Variants in TPRG1 observed in about 807,000 individuals in gnomAD.
TPRG1 encodes the protein tumor protein p63-regulated gene 1 protein.
Under a neutral mutation model 29.3 loss-of-function variants are expected in TPRG1, and 29 were observed. The ratio of observed to expected loss-of-function variants is 0.99; its 90% confidence interval spans 0.74 to 1.35. TPRG1 has a LOEUF of 1.35. Ranked by LOEUF, TPRG1 falls within the 40% of genes most tolerant of loss-of-function variation. TPRG1 has a pLI of 0.00. For missense variants in TPRG1, 327 were observed against 335.0 expected, an observed-to-expected ratio of 0.98 and a Z score of 0.19; for synonymous variants, 130 against 116.8, an observed-to-expected ratio of 1.11 and a Z score of -0.73.
intron 3 of TPRG1, among the ~76,000 whole-genome samples, chr3:189,137,478 TCC>T (rs1723914803): frequency 6.6e-6 from 1 of 152,004 alleles, no homozygotes; most frequent in South Asian, 2.1e-4. Context: ...CAGCAGGGTG[TCC>T]TTAAGTTGTA....
chr3:189,031,934 T>C (rs1474896127), intron 4 of TPRG1, among the ~76,000 whole-genome samples: 2 of 152,006 alleles, frequency 1.3e-5, no homozygotes, highest in Non-Finnish European at 2.9e-5. Context: ...AAAGAGGGTA[T>C]ATTAGTTAGA....
At chr3:189,200,074 C>T (rs368176257) in intron 1 of TPRG1, among the ~76,000 whole-genome samples, 18 of 152,252 alleles carry the variant, frequency 1.2e-4, no homozygotes, top group African/African-American at 4.3e-4. Flanking sequence ...ATTTCTTGGC[C>T]TAGCCCTGTA....
chr3:189,058,795 G>C (rs1173428869), intron 4 of TPRG1, among the ~76,000 whole-genome samples: 1 of 152,162 alleles, frequency 6.6e-6, no homozygotes, highest in Non-Finnish European at 1.5e-5. Flanking sequence ...TGGGGCTGAA[G>C]GAGAGTTGAA....
At chr3:189,158,416 C>G (rs909023902) in intron 5 of TPRG1, among the ~76,000 whole-genome samples, 2 of 152,038 alleles carry the variant, frequency 1.3e-5, no homozygotes, top group African/African-American at 4.8e-5. Context: ...CAAGTCTAGC[C>G]TGGCCAATAT....
intron 1 of TPRG1, among the ~76,000 whole-genome samples, chr3:189,204,945 TCTCA>T (rs1000140510): frequency 3.8e-4 from 35 of 92,750 alleles, no homozygotes; most frequent in Admixed American, 1.5e-3. Flanking sequence ...TCTCTCTCTC[TCTCA>T]CACACACACA....
chr3:189,206,885 T>C (rs1265056083), intron 1 of TPRG1, among the ~76,000 whole-genome samples: 1 of 151,878 alleles, frequency 6.6e-6, no homozygotes. Flanking sequence ...CTAATTATTT[T>C]CTTAGAATAA....
chr3:189,065,874 G>A (rs2152147151), intron 4 of TPRG1, among the ~76,000 whole-genome samples: 1 of 152,118 alleles, frequency 6.6e-6, no homozygotes, highest in Admixed American at 6.5e-5. Context: ...ATAATTTTTT[G>A]AAGATGACAT....
chr3:189,057,846 G>A (rs928610645), intron 4 of TPRG1, among the ~76,000 whole-genome samples: 1 of 108,348 alleles, frequency 9.2e-6, no homozygotes, highest in Non-Finnish European at 1.7e-5. Context: ...ATGTATGTGT[G>A]TATATATATA....
At chr3:189,067,145 A>T (rs1248539237) in intron 4 of TPRG1, among the ~76,000 whole-genome samples, 1 of 152,204 alleles carries the variant, frequency 6.6e-6, no homozygotes, top group Non-Finnish European at 1.5e-5. Flanking sequence ...AATAAAAACT[A>T]TAAAACATTG....
Position 189,215,324 on chromosome 3 carries a change from G to T in TPRG1, c.243G>T (p.Leu81Phe). 2 of 1,612,312 alleles carry T rather than the reference G, an allele frequency of 1.2e-6. No individual in the cohort carries two copies. Reference sequence around the variant, plus strand: ...CCATTGAGACTGCCATGGAAGACTTGAAAGGTCACGTAGCTGAGACTTCTG... The same window carrying T: ...CCATTGAGACTGCCATGGAAGACTTTAAAGGTCACGTAGCTGAGACTTCTG... ...PGAIETAMED[L>F]KGHVAETSGE... The change falls in exon 3 of 6, where the codon TTG becomes TTT. Residue 81 changes from leucine (L) to phenylalanine (F), a missense_variant. By Grantham distance (22) the Leu-to-Phe change is conservative. Transcript: ENST00000345063.
intron 1 of TPRG1, among the ~76,000 whole-genome samples, chr3:189,106,450 GC>G (rs1172287286): frequency 6.6e-6 from 1 of 151,944 alleles, no homozygotes; most frequent in Non-Finnish European, 1.5e-5. Flanking sequence ...TTTGTAACCT[GC>G]CTTTAAATTT....
At chr3:189,040,614 C>T (rs1714570192) in intron 4 of TPRG1, among the ~76,000 whole-genome samples, 1 of 151,990 alleles carries the variant, frequency 6.6e-6, no homozygotes. Flanking sequence ...CTGTTCTTGC[C>T]CCCTGATACT....
intron 4 of TPRG1, among the ~76,000 whole-genome samples, chr3:189,242,433 A>G (rs1207027506): frequency 6.6e-6 from 1 of 152,116 alleles, no homozygotes; most frequent in Non-Finnish European, 1.5e-5. Context: ...TAAGATTTTC[A>G]AATATTAAGT....
At chr3:189,271,975 G>T (rs1181767452) in intron 4 of TPRG1, among the ~76,000 whole-genome samples, 2 of 152,196 alleles carry the variant, frequency 1.3e-5, no homozygotes, top group Non-Finnish European at 2.9e-5. Context: ...AAAGCCTAAT[G>T]TGGTGTTTGT....
intron 4 of TPRG1, among the ~76,000 whole-genome samples, chr3:189,073,597 T>G (rs1193414830): frequency 6.6e-6 from 1 of 152,190 alleles, no homozygotes; most frequent in Non-Finnish European, 1.5e-5. Context: ...TTTCTCATGC[T>G]CGTTGATTTA....
At chr3:189,180,589 A>C (rs1730076737) in intron 1 of TPRG1, among the ~76,000 whole-genome samples, 1 of 152,204 alleles carries the variant, frequency 6.6e-6, no homozygotes, top group Admixed American at 6.5e-5. Context: ...CATGTCTCAC[A>C]TCCAGGTCAC....
chr3:189,072,066 G>C (rs1716842866), intron 4 of TPRG1, among the ~76,000 whole-genome samples: 1 of 152,184 alleles, frequency 6.6e-6, no homozygotes, highest in Non-Finnish European at 1.5e-5. Flanking sequence ...AGGCTGACTT[G>C]ATAGTGATGA....
intron 5 of TPRG1, among the ~76,000 whole-genome samples, chr3:189,166,369 G>C (rs907779759): frequency 6.6e-6 from 1 of 152,186 alleles, no homozygotes; most frequent in African/African-American, 2.4e-5. Flanking sequence ...CTTAAGTGGG[G>C]ACACTGACAT....
intron 4 of TPRG1, among the ~76,000 whole-genome samples, chr3:189,074,923 T>C (rs1428950729): frequency 1.4e-5 from 2 of 147,694 alleles, no homozygotes; most frequent in Non-Finnish European, 3.0e-5. Flanking sequence ...GCCATTCTCC[T>C]GCCTCAGCCT....
Sources: allele counts gnomAD v4.1 joint callset (sites outside exome capture counted in the v4.1 genomes callset), GRCh38; gene constraint gnomAD v4.1.1; transcripts MANE v1.5; gene names NCBI Gene and HGNC (gene_info 2026-07-23, HGNC 2026-07-21).